Variants in SYNPO observed in about 807,000 individuals in gnomAD.
SYNPO encodes the protein synaptopodin.
A neutral mutation model predicts 49.5 loss-of-function variants in SYNPO; 19 were observed. The ratio of observed to expected loss-of-function variants is 0.38; its 90% CI spans 0.27 to 0.56. The LOEUF is 0.56. SYNPO is among the 20% of genes least tolerant of loss of function. The probability of loss-of-function intolerance (pLI) is 0.68; values close to 1 mark genes in which losing one functional copy is unlikely to be tolerated. For missense variants in SYNPO, 1,131 were observed against 1,248.3 expected (o/e 0.91, Z 1.42); for synonymous variants, 536 against 548.0 (o/e 0.98, Z 0.31).
In SYNPO at chr5:150,618,813, AC is replaced by A. The variant is rs769316515; in HGVS notation, c.400+52del. 110 of 1,548,600 alleles carry A rather than the reference AC, an allele frequency of 7.1e-5. No individual in the cohort carries two copies. The African/African-American group carries it at 9.3e-4, about 13-fold the overall frequency. ...CCTTGGACTACCAGAGTCACTGGAG[AC>A]CCCCCAGGTCCTTAGTACAAGGGCT... On this transcript the variant is annotated intron_variant, in intron 2 of 2. Coordinates refer to the SYNPO transcript ENST00000394243.
upstream of SYNPO, among the ~76,000 whole-genome samples, chr5:150,596,785 C>T (rs1017539140): frequency 6.6e-6 from 1 of 152,168 alleles, no homozygotes; most frequent in African/African-American, 2.4e-5. Flanking sequence ...AGGCTGCCAT[C>T]TCCTGCACGG....
In SYNPO at chr5:150,649,163, AAGG is replaced by A; in HGVS notation, c.893_895del (p.Arg298del). 1 of 1,614,012 alleles carries A rather than the reference AAGG, an allele frequency of 6.2e-7. No individual in the cohort carries two copies. The highest frequency in any genetic ancestry group is 8.5e-7 in the Non-Finnish European group (1 of 1,179,978). On this transcript the variant is annotated inframe_deletion, in exon 2 of 3. Coordinates refer to ENST00000307662, the MANE Select transcript of SYNPO (RefSeq NM_007286.6). The stretch of plus-strand genomic sequence containing the variant: ...TAATGTCCCGCAGCCCCATGGTGGA[AAGG>A]AGGATGATGGGGCAGCGAAGCCCGG...
chr5:150,636,731 G>A (rs978520100), upstream of SYNPO, among the ~76,000 whole-genome samples: 5 of 151,646 alleles, frequency 3.3e-5, no homozygotes, highest in East Asian at 9.7e-4. Context: ...CTCTGAGGGG[G>A]CCTGGGGTTC....
At chr5:150,602,517 T>G (rs755025) in intron 1 of SYNPO, among the ~76,000 whole-genome samples, 4,181 of 152,300 alleles carry the variant, frequency 0.027, 328 homozygotes, top group Admixed American at 0.17. Context: ...TGGACCCAAA[T>G]GAATAAAAGC....
At chr5:150,636,792 C>T (rs369141735), upstream of SYNPO, among the ~76,000 whole-genome samples, 5 of 78,154 alleles carry the variant, frequency 6.4e-5, no homozygotes, top group Non-Finnish European at 9.4e-5. Flanking sequence ...GCAGAGAGAA[C>T]GCGGGGTGGG....
chr5:150,630,779 G>A (rs1757510987), intron 2 of SYNPO, among the ~76,000 whole-genome samples: 1 of 152,190 alleles, frequency 6.6e-6, no homozygotes, highest in African/African-American at 2.4e-5. Flanking sequence ...GGGTGGGCCT[G>A]AAGCTCAGCT....
At chr5:150,630,790 G>A (rs115154826) in intron 2 of SYNPO, among the ~76,000 whole-genome samples, 1,705 of 152,296 alleles carry the variant, frequency 0.011, 28 homozygotes, top group African/African-American at 0.038. Context: ...AAGCTCAGCT[G>A]TGGACTTTAA....
In SYNPO at chr5:150,650,057, C is replaced by T. The variant is rs765985506; in HGVS notation, c.1782C>T (p.Ser594=). 1 of 1,613,262 alleles carries T rather than the reference C, an allele frequency of 6.2e-7. No individual in the cohort carries two copies. The highest frequency in any genetic ancestry group is 8.5e-7 in the Non-Finnish European group (1 of 1,179,996). ...SPRAASPAKP[S]SLDLVPNLPK... The stretch of plus-strand genomic sequence containing the variant: ...GAGCTGCCTCGCCCGCCAAGCCCAG[C>T]TCCTTGGACCTGGTGCCCAACCTGC... The change falls in exon 2 of 3, where the codon AGC becomes AGT. Residue 594 remains serine (S), a synonymous_variant. Transcript: ENST00000307662.
At position 150,628,755 on chromosome 5, in the gene SYNPO, A is replaced by G. The variant is rs147775402; in HGVS notation, c.400+9988A>G. Among the ~76,000 whole-genome samples, 1,298 of 151,714 alleles carry G rather than the reference A, an allele frequency of 8.6e-3. 32 individuals carry two copies. Among genetic ancestry groups the G allele is most frequent in the East Asian group, 0.07 (364 of 5,174 alleles). On this transcript the variant is annotated intron_variant, in intron 2 of 2. Coordinates refer to the SYNPO transcript ENST00000394243. Reference sequence around the variant, plus strand: ...GAAACCCCGTCTCTACTAAAAATACAAAATTAACCAGGAATGGTGGTGCAT... The same window carrying G: ...GAAACCCCGTCTCTACTAAAAATACGAAATTAACCAGGAATGGTGGTGCAT...
chr5:150,645,875 C>T (rs1228995990), intron 1 of SYNPO, among the ~76,000 whole-genome samples: 1 of 152,184 alleles, frequency 6.6e-6, no homozygotes, highest in South Asian at 2.1e-4. Context: ...ATTGGTGAAA[C>T]TAGCTCAATT....
chr5:150,620,959 T>TC (rs1318731516), intron 2 of SYNPO, among the ~76,000 whole-genome samples: 3 of 147,026 alleles, frequency 2.0e-5, no homozygotes, highest in Non-Finnish European at 4.5e-5. Flanking sequence ...TCTTTTCTTT[T>TC]TTTTTTTTTT....
At chr5:150,611,329 A>T (rs1756840099) in intron 1 of SYNPO, among the ~76,000 whole-genome samples, 1 of 152,278 alleles carries the variant, frequency 6.6e-6, no homozygotes, top group Non-Finnish European at 1.5e-5. Context: ...ATATGCATTG[A>T]GTGAACAAAT....
At chr5:150,640,201 A>T (rs1378981559), upstream of SYNPO, 2 of 983,244 alleles carry the variant, frequency 2.0e-6, no homozygotes, top group African/African-American at 3.5e-5. Flanking sequence ...TTATTAAGTG[A>T]TGCAGACAGA....
At position 150,658,231 on chromosome 5, in the gene SYNPO, T is replaced by A. The variant is rs1758643284; in HGVS notation, c.*1144T>A. On this transcript the variant is annotated 3_prime_UTR_variant, in exon 3 of 3. Transcript: ENST00000307662. ...GGGGTGGGTGGTGGTGGTGGGCTAGTTGGGCTTGAATTTAGGGGCCGATGA... is the reference window on the plus strand; with the variant it reads ...GGGGTGGGTGGTGGTGGTGGGCTAGATGGGCTTGAATTTAGGGGCCGATGA... 1 of 152,260 alleles carries A rather than the reference T, an allele frequency of 6.6e-6. No homozygotes were observed. Among genetic ancestry groups the A allele is most frequent in the African/African-American group, 2.4e-5 (1 of 41,384 alleles). The allele number at this position is 152,260 out of a possible 1,614,324, so 9.4% of individuals were successfully genotyped here.
chr5:150,651,034 T>C lies in SYNPO; in HGVS notation c.2028+731T>C, dbSNP rs931055. 39,072 of 1,204,210 alleles carry C rather than the reference T, an allele frequency of 0.032. 7,575 individuals carry two copies. In the African/African-American group the frequency reaches 0.47, roughly 15 times the overall value. The allele number at this position is 1,204,210 out of a possible 1,614,324, so 74.6% of individuals were successfully genotyped here. A position where few individuals can be genotyped will look rare whatever the true frequency, so the allele number is the denominator to read the frequency against. On this transcript the variant is annotated intron_variant, in intron 2 of 2. Transcript: ENST00000307662. ...GAGGCCTGGCTCTGTTTTAGGGAGATCACTGGGCCCAGGCCTCAGCCCCAG... is the reference window on the plus strand; with the variant it reads ...GAGGCCTGGCTCTGTTTTAGGGAGACCACTGGGCCCAGGCCTCAGCCCCAG...
At position 150,657,415 on chromosome 5, in the gene SYNPO, TTCTCTCTC is replaced by T. The variant is rs376731190; in HGVS notation, c.*339_*346del. The stretch of plus-strand genomic sequence containing the variant: ...ACACCGATGCACACACACTCTCTCT[TTCTCTCTC>T]TCTCTCTCTCACACACACACACACA... On this transcript the variant is annotated 3_prime_UTR_variant, in exon 3 of 3. Transcript: ENST00000307662. 1.0e-5 allele frequency: 2 copies of T among 192,334 alleles called. No individual in the cohort carries two copies. Among genetic ancestry groups the T allele is most frequent in the African/African-American group, 2.8e-5 (1 of 36,038 alleles). The allele number at this position is 192,334 out of a possible 1,614,324, so 11.9% of individuals were successfully genotyped here. A position where few individuals can be genotyped will look rare whatever the true frequency, so the allele number is the denominator to read the frequency against.
In SYNPO at chr5:150,656,567, C is replaced by G. The variant is rs780952625; in HGVS notation, c.2192C>G (p.Ser731Trp). 5.6e-5 allele frequency: 86 copies of G among 1,522,956 alleles called. No homozygotes were observed. In the East Asian group the frequency reaches 2.1e-3, roughly 38 times the overall value. 94.3% of individuals were successfully genotyped at this position (1,522,956 alleles called of 1,614,324 possible). A position where few individuals can be genotyped will look rare whatever the true frequency, so the allele number is the denominator to read the frequency against. The change falls in exon 3 of 3, where the codon TCG becomes TGG. Residue 731 changes from serine (S) to tryptophan (W), a missense_variant. Ser to Trp is a radical substitution (Grantham distance 177). Around this residue, in one of 4 missense-constraint regions of SYNPO, gnomAD observed 509 missense variants for 484.5 expected, o/e 1.05. Coordinates refer to ENST00000307662, the MANE Select transcript of SYNPO (RefSeq NM_007286.6). ...CCGCCGCCACCGCCCATGTCTCCCTCGTGGAGCGAGCGCTCGGTGTCCCCG... is the reference window on the plus strand; with the variant it reads ...CCGCCGCCACCGCCCATGTCTCCCTGGTGGAGCGAGCGCTCGGTGTCCCCG... ...PLPPPPPMSPSWSERSVSPLR... is the reference protein window; with the variant it reads ...PLPPPPPMSPWWSERSVSPLR...
chr5:150,657,094 AC>A lies in SYNPO; in HGVS notation c.*12del. The A allele has an allele frequency of 2.9e-6, 4 of 1,389,168 alleles. No homozygotes were observed. The highest frequency in any genetic ancestry group is 1.2e-5 in the South Asian group (1 of 81,920). 86.1% of individuals were successfully genotyped at this position (1,389,168 alleles called of 1,614,324 possible). A position where few individuals can be genotyped will look rare whatever the true frequency, so the allele number is the denominator to read the frequency against. ...GGCCTCCTGCACCACCTAGAGCCCCACCCCCGACCCCACCCCGGGAGGGCAG... is the reference window on the plus strand; with the variant it reads ...GGCCTCCTGCACCACCTAGAGCCCCACCCCGACCCCACCCCGGGAGGGCAG... On this transcript the variant is annotated 3_prime_UTR_variant, in exon 3 of 3. Transcript: ENST00000307662.
At chr5:150,639,351 C>T (rs1268438275), upstream of SYNPO, among the ~76,000 whole-genome samples, 1 of 152,262 alleles carries the variant, frequency 6.6e-6, no homozygotes, top group Non-Finnish European at 1.5e-5. Flanking sequence ...TCTCAACCTG[C>T]CGTTTCCTCT....
Sources: allele counts gnomAD v4.1 joint callset (sites outside exome capture counted in the v4.1 genomes callset), GRCh38; gene constraint gnomAD v4.1.1; regional missense constraint gnomAD v4.1.1; transcripts MANE v1.5; gene names NCBI Gene and HGNC (gene_info 2026-07-23, HGNC 2026-07-21).